Variants in BRWD1 observed in about 807,000 individuals in gnomAD.
BRWD1 encodes the protein bromodomain and WD repeat domain containing 1.
A neutral mutation model predicts 251.2 loss-of-function variants in BRWD1; 82 were observed. The observed-to-expected ratio is 0.33, with a 90% confidence interval of 0.27 to 0.39. The LOEUF (loss-of-function observed/expected upper bound fraction) is 0.39. Among genes scored for constraint, BRWD1 ranks in the 10% least tolerant of loss-of-function variants. BRWD1 has a pLI of 1.00. For synonymous variants in BRWD1, 918 were observed against 902.8 expected (o/e 1.02, Z -0.30); for missense variants, 2,233 against 2,711.6 (o/e 0.82, Z 3.92).
chr21:39,281,899 T>TATAC (rs1288060311), intron 8 of BRWD1, among the ~76,000 whole-genome samples: 13 of 135,162 alleles, frequency 9.6e-5, no homozygotes, highest in African/African-American at 3.7e-4. Context: ...TATATGTATG[T>TATAC]ATGTATACAT....
chr21:39,199,771 ACGG>A, intron 39 of BRWD1, 109 bp from the exon 40 acceptor site: 2 of 1,148,154 alleles, frequency 1.7e-6, no homozygotes, highest in Non-Finnish European at 2.4e-6. Context: ...CGGGGAGGAG[ACGG>A]AGTTTCGCTC....
Position 39,198,919 on chromosome 21 carries a change from C to A in BRWD1, c.5497G>T (p.Glu1833Ter). 1 of 1,614,144 alleles carries A rather than the reference C, an allele frequency of 6.2e-7. No homozygotes were observed. Among genetic ancestry groups the A allele is most frequent in the Non-Finnish European group, 8.5e-7 (1 of 1,180,020 alleles). Residue 1833 changes from glutamate (E) to a stop codon, truncating the protein, a stop_gained, in exon 40 of 41, where the codon GAA (glutamate) becomes TAA (stop). Coordinates refer to ENST00000342449, the MANE Select transcript of BRWD1 (RefSeq NM_033656.4). LOFTEE classifies it high-confidence loss of function. ...EDSESEEQDR[E>*]DGKCHKMEMN... ...TCCATTTTATGACATTTCCCATCTT[C>A]TCTATCTTGCTCTTCAGATTCAGAG...
At chr21:39,216,841 A>G in intron 31 of BRWD1, 1 of 211,516 alleles carries the variant, frequency 4.7e-6, no homozygotes, top group Non-Finnish European at 9.5e-6. Context: ...ACACAGGGAA[A>G]CTTGTGCCAC....
rs111889303 is a variant in BRWD1, at chr21:39,258,992, A to G, written c.1886-320T>C. On this transcript the variant is annotated intron_variant, in intron 17 of 40. Coordinates refer to ENST00000342449, the MANE Select transcript of BRWD1 (RefSeq NM_033656.4). ...ACTAATGCCCCTCACCATACTCGAT[A>G]TATTTCACTAAAATCTTATTCCCCA... 2.9e-3 allele frequency among the ~76,000 whole-genome samples: 441 copies of G among 152,312 alleles called. 2 individuals carry two copies. Among genetic ancestry groups the G allele is most frequent in the African/African-American group, 0.01 (417 of 41,566 alleles).
chr21:39,215,543 C>A (rs976350048), intron 31 of BRWD1, among the ~76,000 whole-genome samples, 181 bp from the exon 32 acceptor site: 2 of 152,056 alleles, frequency 1.3e-5, no homozygotes, highest in African/African-American at 4.8e-5. Flanking sequence ...CATTGGACAC[C>A]GAAGCAATTA....
intron 29 of BRWD1, among the ~76,000 whole-genome samples, chr21:39,222,703 A>G (rs1471090213): frequency 6.6e-6 from 1 of 152,232 alleles, no homozygotes; most frequent in Non-Finnish European, 1.5e-5. Flanking sequence ...ATGTAAGACA[A>G]TGAAAACAAA....
chr21:39,223,433 T>C (rs1007623315), intron 29 of BRWD1, among the ~76,000 whole-genome samples: 3 of 151,992 alleles, frequency 2.0e-5, no homozygotes, highest in African/African-American at 4.8e-5. Context: ...TAAAAACACA[T>C]AAAGAAAGCT....
At chr21:39,200,722 A>G (rs1252111131) in intron 38 of BRWD1, among the ~76,000 whole-genome samples, 9 of 152,168 alleles carry the variant, frequency 5.9e-5, no homozygotes, top group Non-Finnish European at 1.5e-5. Flanking sequence ...ACGGTGACTC[A>G]CTCCAGTAAT....
chr21:39,303,328 G>A (rs1195663346), intron 4 of BRWD1, among the ~76,000 whole-genome samples: 7 of 151,858 alleles, frequency 4.6e-5, no homozygotes, highest in East Asian at 1.9e-4. Flanking sequence ...AGACCAGCCT[G>A]GCAAATGTGG....
Position 39,280,354 on chromosome 21 carries a change from C to T in BRWD1, c.832-106G>A, listed in dbSNP as rs576933043. 142 of 819,594 alleles carry T rather than the reference C, an allele frequency of 1.7e-4. No individual in the cohort carries two copies. The African/African-American group carries it at 2.3e-3, about 14-fold the overall frequency. 50.8% of individuals were successfully genotyped at this position (819,594 alleles called of 1,614,324 possible). On this transcript the variant is annotated intron_variant, in intron 8 of 40. Transcript: ENST00000342449. The stretch of plus-strand genomic sequence containing the variant: ...AATTGACAGTTTCAGGAAATAAACA[C>T]ATGAAATCCAAAATATAGGTAATAC...
chr21:39,246,816 C>T (rs2034206140), intron 21 of BRWD1, among the ~76,000 whole-genome samples: 1 of 152,238 alleles, frequency 6.6e-6, no homozygotes. Context: ...GGCGTGGTGG[C>T]TCACGCCTGT....
In BRWD1 at chr21:39,295,890, T is replaced by A; in HGVS notation, c.462A>T (p.Arg154=). 6.3e-7 allele frequency: 1 copy of A among 1,598,712 alleles called. No homozygotes were observed. Among genetic ancestry groups the A allele is most frequent in the Admixed American group, 1.7e-5 (1 of 58,718 alleles). The change falls in exon 7 of 41, where the codon CGA becomes CGT. Residue 154 remains arginine (R), a synonymous_variant. Transcript: ENST00000342449. ...TGGAACACCCTGTGAGTTGTTTTCC[T>A]CGATGTATCTCCACTAGGAAATAAA... ...GSPPNLVEIH[R]GKQLTGCSTF... is the part of the protein sequence containing the mutation.
chr21:39,228,791 A>T (rs901536371), intron 26 of BRWD1, among the ~76,000 whole-genome samples: 1 of 152,192 alleles, frequency 6.6e-6, no homozygotes, highest in African/African-American at 2.4e-5. Flanking sequence ...CAAAATAGAG[A>T]TCTGACATAT....
chr21:39,218,683 T>C (rs147318979), intron 29 of BRWD1, 23 bp from the exon 30 acceptor site: 1 of 1,544,214 alleles, frequency 6.5e-7, no homozygotes, highest in Admixed American at 2.2e-5. Flanking sequence ...TAAAAAACAA[T>C]GAGAGGAAGA....
rs1385611936 is a variant in BRWD1, at chr21:39,187,525, G to A, written c.*8734C>T. On this transcript the variant is annotated 3_prime_UTR_variant, in exon 41 of 41. Transcript: ENST00000342449. The stretch of plus-strand genomic sequence containing the variant: ...TCATTCGGAAACAATAAATTTAAAA[G>A]TCATATTGCTAAATGATAAATTTTA... The A allele has an allele frequency of 7.1e-7, 1 of 1,411,080 alleles. No homozygotes were observed. The highest frequency in any genetic ancestry group is 1.7e-5 in the South Asian group (1 of 59,778). 87.4% of individuals were successfully genotyped at this position (1,411,080 alleles called of 1,614,324 possible).
In BRWD1 at chr21:39,193,028, A is replaced by G; in HGVS notation, c.*3231T>C. ...AGGTCATAACGAGTGCAAAGGGCTT[A>G]GTGATGCATCTTATTCTTTACTTTT... is the stretch of plus-strand genomic sequence containing the variant. On this transcript the variant is annotated 3_prime_UTR_variant, in exon 41 of 41. Coordinates refer to ENST00000342449, the MANE Select transcript of BRWD1 (RefSeq NM_033656.4). The G allele has an allele frequency of 2.0e-6, 2 of 985,166 alleles. No homozygotes were observed. Among genetic ancestry groups the G allele is most frequent in the Non-Finnish European group, 2.4e-6 (2 of 829,726 alleles). The allele number at this position is 985,166 out of a possible 1,614,324, so 61.0% of individuals were successfully genotyped here.
chr21:39,262,695 C>T (rs1229686042), intron 17 of BRWD1, among the ~76,000 whole-genome samples: 4 of 151,712 alleles, frequency 2.6e-5, no homozygotes, highest in Non-Finnish European at 5.9e-5. Context: ...AGTCTGCCGA[C>T]GGAGCAAGAC....
chr21:39,278,314 G>A (rs11911931), intron 10 of BRWD1, among the ~76,000 whole-genome samples: 2,431 of 152,028 alleles, frequency 0.016, 57 homozygotes, highest in African/African-American at 0.053. Context: ...TGACCTATCC[G>A]AAAAAAGAGA....
chr21:39,251,601 G>A (rs775386528), intron 19 of BRWD1, among the ~76,000 whole-genome samples: 26 of 152,132 alleles, frequency 1.7e-4, no homozygotes, highest in Admixed American at 2.6e-4. Flanking sequence ...GATAAAAACT[G>A]ATTTTTAAGA....
Sources: allele counts gnomAD v4.1 joint callset (sites outside exome capture counted in the v4.1 genomes callset), GRCh38; gene constraint gnomAD v4.1.1; transcripts MANE v1.5; gene names NCBI Gene and HGNC (gene_info 2026-07-23, HGNC 2026-07-21).